The following PDE11A variants were observed in gnomAD, a reference collection of about 807,000 sequenced individuals.
PDE11A encodes the protein dual 3',5'-cyclic-AMP and -GMP phosphodiesterase 11A.
Under a neutral mutation model 100.5 loss-of-function variants are expected in PDE11A, and 100 were observed. That is an observed-to-expected ratio of 1.00 (90% CI 0.85 to 1.18). PDE11A has a LOEUF of 1.18. Among genes scored for constraint, PDE11A ranks in the 50% most tolerant of loss-of-function variants. PDE11A has a pLI of 0.00. For missense variants in PDE11A, 1,141 were observed against 1,152.6 expected (o/e 0.99, Z 0.15); for synonymous variants, 381 against 420.8 (o/e 0.91, Z 1.16).
rs371513638 is a variant in PDE11A, at chr2:178,037,568, G to A, written c.913-23108C>T. The stretch of plus-strand genomic sequence containing the variant: ...ATCATTCTAATATAAAGACCCATGC[G>A]TACATGTGTTTATTGCAGCACTATT... On this transcript the variant is annotated intron_variant, in intron 1 of 19. Transcript: ENST00000286063. Among the ~76,000 whole-genome samples the A allele has an allele frequency of 2.0e-4, 31 of 152,106 alleles. No homozygotes were observed. The East Asian group carries it at 2.3e-3, about 11-fold the overall frequency.
In PDE11A at chr2:177,627,279, G is replaced by GC. The variant is rs1476448452; in HGVS notation, c.*2127dup. The GC allele has an allele frequency of 1.3e-5, 2 of 151,218 alleles. No individual in the cohort carries two copies. The highest frequency in any genetic ancestry group is 4.9e-5 in the African/African-American group (2 of 41,180). 9.4% of individuals were successfully genotyped at this position (151,218 alleles called of 1,614,324 possible). ...TCTCGATCTCCTGACCTCGTGATCCGCCCGCCTCGGCCTTCCAAATTGCTG... is the reference window on the plus strand; with the variant it reads ...TCTCGATCTCCTGACCTCGTGATCCGCCCCGCCTCGGCCTTCCAAATTGCTG... On this transcript the variant is annotated 3_prime_UTR_variant, in exon 20 of 20. Transcript: ENST00000286063.
At chr2:177,790,582 T>C (rs189156252) in intron 9 of PDE11A, among the ~76,000 whole-genome samples, 34 of 152,272 alleles carry the variant, frequency 2.2e-4, no homozygotes, top group African/African-American at 7.0e-4. Flanking sequence ...CAAAAGAAAC[T>C]ACTATCAGAA....
chr2:177,880,248 C>T (rs200204252), intron 4 of PDE11A, among the ~76,000 whole-genome samples: 1 of 152,202 alleles, frequency 6.6e-6, no homozygotes, highest in Non-Finnish European at 1.5e-5. Context: ...ATGGGGGCTT[C>T]AAGCCACACC....
At chr2:177,892,590 A>C (rs2084547193) in intron 4 of PDE11A, among the ~76,000 whole-genome samples, 1 of 152,238 alleles carries the variant, frequency 6.6e-6, no homozygotes, top group African/African-American at 2.4e-5. Flanking sequence ...AGGTTTTCTC[A>C]GTCATTTCAG....
chr2:178,094,009 T>C (rs966252422), intron 2 of PDE11A, among the ~76,000 whole-genome samples: 6 of 152,302 alleles, frequency 3.9e-5, no homozygotes, highest in African/African-American at 9.6e-5. Flanking sequence ...AATATAACTA[T>C]GCATAAGGAA....
intron 2 of PDE11A, among the ~76,000 whole-genome samples, chr2:177,937,047 T>C (rs1203573504): frequency 6.6e-6 from 1 of 152,202 alleles, no homozygotes; most frequent in African/African-American, 2.4e-5. Context: ...CTAGTTACTA[T>C]GCCCCTAAAA....
At chr2:177,783,257 T>C (rs2082479454) in intron 9 of PDE11A, among the ~76,000 whole-genome samples, 1 of 152,216 alleles carries the variant, frequency 6.6e-6, no homozygotes, top group Non-Finnish European at 1.5e-5. Context: ...GATTTTCCCA[T>C]ACAACTCCTT....
At chr2:178,027,236 G>A (rs1401677115) in intron 1 of PDE11A, among the ~76,000 whole-genome samples, 1 of 151,926 alleles carries the variant, frequency 6.6e-6, no homozygotes, top group Non-Finnish European at 1.5e-5. Flanking sequence ...TATTCAAGAG[G>A]AAATGGATTA....
intron 10 of PDE11A, among the ~76,000 whole-genome samples, chr2:177,730,757 C>A (rs1322660573): frequency 6.6e-6 from 1 of 151,974 alleles, no homozygotes; most frequent in African/African-American, 2.4e-5. Context: ...TTGTCATTTT[C>A]TTCTCTTCTT....
At chr2:177,690,731 A>C (rs1480984689) in intron 15 of PDE11A, among the ~76,000 whole-genome samples, 1 of 150,934 alleles carries the variant, frequency 6.6e-6, no homozygotes, top group African/African-American at 2.4e-5. Flanking sequence ...GCAAATTTTC[A>C]ATTTGAAGAT....
At chr2:177,837,587 C>T (rs1574197345) in intron 6 of PDE11A, among the ~76,000 whole-genome samples, 1 of 151,784 alleles carries the variant, frequency 6.6e-6, no homozygotes, top group Non-Finnish European at 1.5e-5. Context: ...AGAATGAGTA[C>T]TTTCAAGTTA....
rs2079877212 is a variant in PDE11A at position 177,629,062 on chromosome 2, T to C, written c.*345A>G. On this transcript the variant is annotated 3_prime_UTR_variant, in exon 20 of 20. Transcript: ENST00000286063. ...CAAAACGAAGCAGCGCTAATGACGC[T>C]TTTACTGTTCAGTGTTCCCTCAGCT... is the stretch of plus-strand genomic sequence containing the variant. 1 of 355,980 alleles carries C rather than the reference T, an allele frequency of 2.8e-6. No homozygotes were observed. The highest frequency in any genetic ancestry group is 6.6e-5 in the East Asian group (1 of 15,068). The allele number at this position is 355,980 out of a possible 1,614,324, so 22.1% of individuals were successfully genotyped here.
chr2:177,709,431 G>C (rs1402788212), intron 13 of PDE11A, among the ~76,000 whole-genome samples: 1 of 152,132 alleles, frequency 6.6e-6, no homozygotes, highest in Non-Finnish European at 1.5e-5. Context: ...GCGCATTTTT[G>C]GTGGGGCCAT....
chr2:178,043,566 C>T (rs187905113), intron 1 of PDE11A, among the ~76,000 whole-genome samples: 4 of 152,188 alleles, frequency 2.6e-5, no homozygotes, highest in African/African-American at 9.6e-5. Flanking sequence ...AAAACAGGCA[C>T]TAAATGAGAC....
intron 9 of PDE11A, among the ~76,000 whole-genome samples, chr2:177,789,522 T>C (rs547736386): frequency 2.0e-5 from 3 of 151,654 alleles, no homozygotes; most frequent in Non-Finnish European, 4.4e-5. Flanking sequence ...CAACATAGTG[T>C]TGGAAGTTCT....
At chr2:177,701,797 C>T (rs2081201267) in intron 13 of PDE11A, among the ~76,000 whole-genome samples, 2 of 152,166 alleles carry the variant, frequency 1.3e-5, no homozygotes, top group South Asian at 4.1e-4. Context: ...CAGCCTTCTA[C>T]TACAGCTTTC....
intron 6 of PDE11A, among the ~76,000 whole-genome samples, chr2:177,830,582 C>T (rs1429390426): frequency 6.8e-6 from 1 of 147,136 alleles, no homozygotes. Flanking sequence ...GCCTGGGAGA[C>T]AGAGAAAGAC....
At chr2:178,018,723 T>C (rs13002118) in intron 1 of PDE11A, among the ~76,000 whole-genome samples, 15,230 of 152,194 alleles carry the variant, frequency 0.1, 1,051 homozygotes, top group Non-Finnish European at 0.15. Flanking sequence ...TTCTTTTTTA[T>C]TTTTTGTAGA....
chr2:177,824,731 G>C (rs941029122), intron 6 of PDE11A, among the ~76,000 whole-genome samples: 1 of 152,078 alleles, frequency 6.6e-6, no homozygotes, highest in East Asian at 1.9e-4. Flanking sequence ...GAAGGCAGTT[G>C]GTTAAGTAAA....
Sources: gnomAD v4.1 joint callset for allele counts (sites outside exome capture counted in the v4.1 genomes callset) on GRCh38, gnomAD v4.1.1 for gene constraint, MANE v1.5 for transcripts, NCBI Gene and HGNC (gene_info 2026-07-23, HGNC 2026-07-21) for gene names.